The following SYNJ2 variants were observed in gnomAD, a reference collection of about 807,000 sequenced individuals.
SYNJ2 encodes polyphosphatidylinositol phosphatase SYNJ2.
A neutral mutation model predicts 141.3 loss-of-function variants in SYNJ2; 116 were observed. That is an observed-to-expected ratio of 0.82 (90% CI 0.71 to 0.96). The LOEUF (loss-of-function observed/expected upper bound fraction) is 0.96. Ranked by LOEUF, SYNJ2 falls within the 40% of genes least tolerant of loss-of-function variation. The probability of loss-of-function intolerance (pLI) is 0.00; values close to 1 mark genes in which losing one functional copy is unlikely to be tolerated. For synonymous variants in SYNJ2, 745 were observed against 777.7 expected (o/e 0.96, Z 0.70); for missense variants, 1,873 against 1,934.8 (o/e 0.97, Z 0.60).
chr6:157,991,349 G>A (rs901489407), intron 1 of SYNJ2, among the ~76,000 whole-genome samples: 6 of 152,168 alleles, frequency 3.9e-5, no homozygotes, highest in Non-Finnish European at 5.9e-5. Flanking sequence ...GTGGCAAATC[G>A]GGTTCTGCCT....
At chr6:157,984,133 T>C (rs1777113263) in intron 1 of SYNJ2, among the ~76,000 whole-genome samples, 1 of 152,220 alleles carries the variant, frequency 6.6e-6, no homozygotes, top group South Asian at 2.1e-4. Context: ...ACTTACTGCG[T>C]CTGGCCTGAA....
intron 16 of SYNJ2, among the ~76,000 whole-genome samples, chr6:158,076,388 C>T (rs1318505262): frequency 3.3e-5 from 5 of 151,948 alleles, no homozygotes; most frequent in Non-Finnish European, 5.9e-5. Flanking sequence ...ATAGATCAGA[C>T]ACTGGAGTGG....
At chr6:158,072,250 C>A (rs914239169) in intron 15 of SYNJ2, among the ~76,000 whole-genome samples, 2 of 152,130 alleles carry the variant, frequency 1.3e-5, no homozygotes, top group African/African-American at 4.8e-5. Context: ...ACCAATGGAC[C>A]CTTTTTGACT....
At chr6:158,044,873 T>G (rs932865686) in intron 5 of SYNJ2, among the ~76,000 whole-genome samples, 1 of 152,152 alleles carries the variant, frequency 6.6e-6, no homozygotes, top group Admixed American at 6.5e-5. Flanking sequence ...TCTTTAAATA[T>G]GGAGTTTTCC....
chr6:158,083,958 C>A (rs753678962), intron 21 of SYNJ2, 43 bp from the exon 22 acceptor site: 2 of 1,605,436 alleles, frequency 1.2e-6, no homozygotes, highest in African/African-American at 1.3e-5. Flanking sequence ...GCCTTTCCCC[C>A]TCATTGTTTT....
At chr6:157,983,090 G>C (rs1026089330) in intron 1 of SYNJ2, among the ~76,000 whole-genome samples, 2 of 152,202 alleles carry the variant, frequency 1.3e-5, no homozygotes, top group African/African-American at 4.8e-5. Flanking sequence ...GGGGTCACTC[G>C]TACTTGAGGT....
At chr6:157,987,147 C>T (rs545906076) in intron 1 of SYNJ2, among the ~76,000 whole-genome samples, 33 of 151,972 alleles carry the variant, frequency 2.2e-4, no homozygotes, top group African/African-American at 7.2e-4. Context: ...CTACCATGCC[C>T]GGCTAATTTT....
At chr6:158,033,320 G>A (rs1779467639) in intron 3 of SYNJ2, 135 bp from the exon 4 acceptor site, 1 of 865,576 alleles carries the variant, frequency 1.2e-6, no homozygotes, top group African/African-American at 1.7e-5. Context: ...AGAGTCCACT[G>A]GGGAGCAGCA....
At chr6:158,029,143 T>C in intron 3 of SYNJ2, 117 bp downstream of exon 3, 1 of 1,386,798 alleles carries the variant, frequency 7.2e-7, no homozygotes, top group Non-Finnish European at 9.7e-7. Flanking sequence ...ATGGGGCACC[T>C]CTGGAGAGTT....
rs189828216 is a variant in SYNJ2 at position 158,043,900 on chromosome 6, A to T, written c.795+501A>T. Among the ~76,000 whole-genome samples, 1 of 152,360 alleles carries T rather than the reference A, an allele frequency of 6.6e-6. No individual in the cohort carries two copies. Among genetic ancestry groups the T allele is most frequent in the Admixed American group, 6.5e-5 (1 of 15,314 alleles). On this transcript the variant is annotated intron_variant, in intron 5 of 26. Transcript: ENST00000355585. This position sits in a 1 kb window ranked among gnomAD's most constrained non-coding sequence, Gnocchi z 4.0. ...AAAAATACCCCTTGCCGTCCAAAGC[A>T]GGGCTCTGGTCAGTGCCAGAGAGAT... is the stretch of plus-strand genomic sequence containing the variant.
Position 158,092,656 on chromosome 6 carries a change from T to A in SYNJ2, c.3566-270T>A, listed in dbSNP as rs143919577. Among the ~76,000 whole-genome samples the A allele has an allele frequency of 1.9e-3, 284 of 152,170 alleles. 2 individuals are homozygous for A. The highest frequency in any genetic ancestry group is 6.8e-3 in the African/African-American group (281 of 41,510). On this transcript the variant is annotated intron_variant, in intron 25 of 26. Coordinates refer to ENST00000355585, the MANE Select transcript of SYNJ2 (RefSeq NM_003898.4). ...AGTGCTCACCCGTAATCCCAGCTAC[T>A]CAGGAGGCTGAAATGGGAGAATTGC...
intron 4 of SYNJ2, among the ~76,000 whole-genome samples, chr6:158,041,527 C>T (rs1408540704): frequency 6.6e-6 from 1 of 152,130 alleles, no homozygotes; most frequent in East Asian, 1.9e-4. Flanking sequence ...TCTTCTTGCT[C>T]CAGTGTGGGC....
chr6:158,064,539 G>T, intron 9 of SYNJ2, 62 bp from the exon 10 acceptor site: 1 of 1,589,470 alleles, frequency 6.3e-7, no homozygotes, highest in South Asian at 1.1e-5. Context: ...AACCTCCTGG[G>T]ACAGTGGCTG....
At chr6:158,095,410 G>A (rs774225858) in intron 26 of SYNJ2, among the ~76,000 whole-genome samples, 12 of 152,072 alleles carry the variant, frequency 7.9e-5, no homozygotes, top group Non-Finnish European at 2.9e-5. Flanking sequence ...GGACCTGCTG[G>A]TGTGACCTGA....
intron 4 of SYNJ2, among the ~76,000 whole-genome samples, chr6:158,042,337 CAG>C (rs1779993500): frequency 6.6e-6 from 1 of 152,206 alleles, no homozygotes. Flanking sequence ...CCCAGGGAAA[CAG>C]TGGCTCTAAT....
Position 158,062,001 on chromosome 6 carries a change from T to TG in SYNJ2, c.967dup (p.Ala323GlyfsTer14), listed in dbSNP as rs768848801. The TG allele has an allele frequency of 3.5e-5, 57 of 1,613,828 alleles. No individual in the cohort carries two copies. The highest frequency in any genetic ancestry group is 4.7e-5 in the Non-Finnish European group (56 of 1,179,960). ...CCCCTCCTCTTTTCAGAAGCTGCTC[T>TG]GGGCTTCTTGCCACGCGGGCGACAC... On this transcript the variant is annotated frameshift_variant, in exon 8 of 27. Coordinates refer to ENST00000355585, the MANE Select transcript of SYNJ2 (RefSeq NM_003898.4). LOFTEE classifies it high-confidence loss of function.
intron 1 of SYNJ2, among the ~76,000 whole-genome samples, chr6:157,986,342 T>TTTTG (rs528044692): frequency 3.9e-5 from 6 of 152,010 alleles, no homozygotes; most frequent in Non-Finnish European, 7.4e-5. Context: ...CTCCCGCGGG[T>TTTTG]TTTGTTTGTT....
intron 11 of SYNJ2, among the ~76,000 whole-genome samples, chr6:158,065,838 T>C (rs1781529036): frequency 6.6e-6 from 1 of 152,186 alleles, no homozygotes; most frequent in Non-Finnish European, 1.5e-5. Flanking sequence ...AAGGCAGACA[T>C]GAGTTAGATT....
rs1190340821 is a variant in SYNJ2 at position 158,043,664 on chromosome 6, G to A, written c.795+265G>A. Among the ~76,000 whole-genome samples the A allele has an allele frequency of 1.3e-5, 2 of 152,194 alleles. No homozygotes were observed. Among genetic ancestry groups the A allele is most frequent in the East Asian group, 1.9e-4 (1 of 5,190 alleles). On this transcript the variant is annotated intron_variant, in intron 5 of 26. Coordinates refer to ENST00000355585, the MANE Select transcript of SYNJ2 (RefSeq NM_003898.4). This position sits in a 1 kb window ranked among gnomAD's most constrained non-coding sequence, Gnocchi z 4.0. Reference sequence around the variant, plus strand: ...TGTGTGAAACCGCTGACTCGGGAACGGTGCTGCGGTGCCTGCTGAGTGGGT... The same window carrying A: ...TGTGTGAAACCGCTGACTCGGGAACAGTGCTGCGGTGCCTGCTGAGTGGGT...
Sources: gnomAD v4.1 joint callset for allele counts (sites outside exome capture counted in the v4.1 genomes callset) on GRCh38, gnomAD v4.1.1 for gene constraint, Gnocchi (gnomAD v3.1) non-coding constraint, MANE v1.5 for transcripts, NCBI Gene and HGNC (gene_info 2026-07-23, HGNC 2026-07-21) for gene names.